CAV2: variants seen among roughly 807,000 people sequenced by gnomAD.
CAV2 encodes caveolin-2.
In CAV2, 7 loss-of-function variants were observed where a neutral mutation model predicts 15.5. That is an observed-to-expected ratio of 0.45 (90% confidence interval 0.26 to 0.85). The LOEUF (loss-of-function observed/expected upper bound fraction) is 0.85. Among genes scored for constraint, CAV2 ranks in the 40% least tolerant of loss-of-function variants. CAV2 has a pLI of 0.18. For synonymous variants in CAV2, 76 were observed against 83.1 expected, an observed-to-expected ratio of 0.91 and a Z score of 0.46; for missense variants, 229 against 208.8, an observed-to-expected ratio of 1.10 and a Z score of -0.60.
At chr7:116,502,933 C>A (rs948631546) in intron 2 of CAV2, among the ~76,000 whole-genome samples, 1 of 152,112 alleles carries the variant, frequency 6.6e-6, no homozygotes, top group Non-Finnish European at 1.5e-5. Context: ...GGCTGGAGCA[C>A]CCATATCCCT....
chr7:116,505,849 G>T (rs1275337979), intron 2 of CAV2, 122 bp from the exon 3 acceptor site: 2 of 631,628 alleles, frequency 3.2e-6, no homozygotes, highest in East Asian at 2.9e-5. Flanking sequence ...TCATTTATTT[G>T]TTTCAAACTC....
In CAV2 at chr7:116,508,271, G is replaced by A. The variant is rs1323688214; in HGVS notation, c.*2150G>A. 1 of 152,148 alleles carries A rather than the reference G, an allele frequency of 6.6e-6. No individual in the cohort carries two copies. The highest frequency in any genetic ancestry group is 2.4e-5 in the African/African-American group (1 of 41,424). 9.4% of individuals were successfully genotyped at this position (152,148 alleles called of 1,614,324 possible). A position where few individuals can be genotyped will look rare whatever the true frequency, so the allele number is the denominator to read the frequency against. On this transcript the variant is annotated 3_prime_UTR_variant, in exon 3 of 3. Transcript: ENST00000222693. The stretch of plus-strand genomic sequence containing the variant: ...TATCCTTTCAAACAGCTATTGGCAA[G>A]TTTTAAACCCAAAATATATACACAT...
chr7:116,501,743 CTT>C (rs556117012), intron 2 of CAV2, among the ~76,000 whole-genome samples: 1 of 152,102 alleles, frequency 6.6e-6, no homozygotes, highest in Non-Finnish European at 1.5e-5. Context: ...TCGAAAAAGA[CTT>C]TGAAAGGATA....
chr7:116,500,131 G>A, intron 1 of CAV2, 129 bp from the exon 2 acceptor site: 18 of 1,487,624 alleles, frequency 1.2e-5, no homozygotes, highest in Non-Finnish European at 1.6e-5. Context: ...TGCGCCCACC[G>A]TGACCCTAAG....
chr7:116,508,266 G>A lies in CAV2; in HGVS notation c.*2145G>A, dbSNP rs1442415484. The A allele has an allele frequency of 6.6e-6, 1 of 152,054 alleles. No homozygotes were observed. Among genetic ancestry groups the A allele is most frequent in the Non-Finnish European group, 1.5e-5 (1 of 68,010 alleles). 9.4% of individuals were successfully genotyped at this position (152,054 alleles called of 1,614,324 possible). A position where few individuals can be genotyped will look rare whatever the true frequency, so the allele number is the denominator to read the frequency against. On this transcript the variant is annotated 3_prime_UTR_variant, in exon 3 of 3. Coordinates refer to ENST00000222693, the MANE Select transcript of CAV2 (RefSeq NM_001233.5). ...TGAGCTATCCTTTCAAACAGCTATT[G>A]GCAAGTTTTAAACCCAAAATATATA...
chr7:116,508,095 T>G lies in CAV2; in HGVS notation c.*1974T>G, dbSNP rs1275350868. ...AAAGCATCACCACTCATTTTGACCA[T>G]ATAGATTTTATTATGTTAGTTTAAA... On this transcript the variant is annotated 3_prime_UTR_variant, in exon 3 of 3. Coordinates refer to ENST00000222693, the MANE Select transcript of CAV2 (RefSeq NM_001233.5). The G allele has an allele frequency of 6.6e-6, 1 of 152,228 alleles. No individual in the cohort carries two copies. The highest frequency in any genetic ancestry group is 1.5e-5 in the Non-Finnish European group (1 of 68,034). 9.4% of individuals were successfully genotyped at this position (152,228 alleles called of 1,614,324 possible).
rs573146798 is a variant in CAV2 at position 116,507,189 on chromosome 7, G to A, written c.*1068G>A. The A allele has an allele frequency of 2.0e-5, 3 of 152,716 alleles. No individual in the cohort carries two copies. The highest frequency in any genetic ancestry group is 4.8e-5 in the African/African-American group (2 of 41,568). 9.5% of individuals were successfully genotyped at this position (152,716 alleles called of 1,614,324 possible). A position where few individuals can be genotyped will look rare whatever the true frequency, so the allele number is the denominator to read the frequency against. On this transcript the variant is annotated 3_prime_UTR_variant, in exon 3 of 3. Coordinates refer to ENST00000222693, the MANE Select transcript of CAV2 (RefSeq NM_001233.5). The stretch of plus-strand genomic sequence containing the variant: ...ACTTTAGTACAATTTCAACTACAGT[G>A]ATTCATGTAGAGAGACAGGGGAGTT...
chr7:116,502,018 A>G (rs973090581), intron 2 of CAV2, among the ~76,000 whole-genome samples: 1 of 152,176 alleles, frequency 6.6e-6, no homozygotes, highest in Non-Finnish European at 1.5e-5. Context: ...TCTAACCTCT[A>G]TGTCAGTTTT....
chr7:116,503,309 G>A (rs544240120), intron 2 of CAV2, among the ~76,000 whole-genome samples: 12 of 152,006 alleles, frequency 7.9e-5, no homozygotes, highest in East Asian at 5.8e-4. Flanking sequence ...GTTTGATGTC[G>A]GAGGATCATT....
intron 2 of CAV2, among the ~76,000 whole-genome samples, chr7:116,505,154 C>T (rs948647217): frequency 1.3e-5 from 2 of 152,038 alleles, no homozygotes; most frequent in African/African-American, 4.8e-5. Context: ...AGGGAATATC[C>T]GATCTAGCCT....
rs761968352 is a variant in CAV2, at chr7:116,499,802, G to C, written c.21G>C (p.Lys7Asn). The C allele has an allele frequency of 6.3e-7, 1 of 1,584,714 alleles. No homozygotes were observed. The highest frequency in any genetic ancestry group is 8.6e-7 in the Non-Finnish European group (1 of 1,167,694). ...CTGCGATGGGGCTGGAGACGGAGAA[G>C]GCGGACGTACAGCTCTTCATGGACG... The part of the protein sequence containing the change: MGLETE[K>N]ADVQLFMDDD... The change falls in exon 1 of 3, where the codon AAG (lysine) becomes AAC (asparagine). Residue 7 changes from lysine to asparagine, a missense_variant. Coordinates refer to ENST00000222693, the MANE Select transcript of CAV2 (RefSeq NM_001233.5).
At position 116,506,272 on chromosome 7, in the gene CAV2, G is replaced by A. The variant is rs1223459923; in HGVS notation, c.*151G>A. The A allele has an allele frequency of 2.9e-6, 2 of 682,060 alleles. No homozygotes were observed. Among genetic ancestry groups the A allele is most frequent in the African/African-American group, 1.8e-5 (1 of 54,792 alleles). 42.3% of individuals were successfully genotyped at this position (682,060 alleles called of 1,614,324 possible). On this transcript the variant is annotated 3_prime_UTR_variant, in exon 3 of 3. Coordinates refer to ENST00000222693, the MANE Select transcript of CAV2 (RefSeq NM_001233.5). ...CACATTTAGAAATGTTTATTGACAG[G>A]TCTTTTCAAATAATGCTTTTCTAAT...
intron 2 of CAV2, among the ~76,000 whole-genome samples, chr7:116,503,972 GGAAA>G (rs1243209287): frequency 1.4e-4 from 17 of 120,206 alleles, no homozygotes; most frequent in South Asian, 7.7e-4. Flanking sequence ...AGAGAAAGAA[GGAAA>G]GAAAGAAAGA....
Position 116,500,314 on chromosome 7 carries a change from G to A in CAV2, c.205G>A (p.Val69Met). ...GGTGACTACGCACTCCTTTGACAAA[G>A]TGTGGATCTGCAGCCATGCCCTCTT... ...EPVTTHSFDK[V>M]WICSHALFEI... Residue 69 changes from valine (V) to methionine (M), a missense_variant, in exon 2 of 3, where the codon GTG becomes ATG. Coordinates refer to ENST00000222693, the MANE Select transcript of CAV2 (RefSeq NM_001233.5). The A allele has an allele frequency of 1.2e-6, 2 of 1,614,246 alleles. No individual in the cohort carries two copies. The highest frequency in any genetic ancestry group is 1.1e-5 in the South Asian group (1 of 91,090).
intron 1 of CAV2, 71 bp downstream of exon 1, chr7:116,500,002 C>G: frequency 1.3e-6 from 2 of 1,554,920 alleles, no homozygotes; most frequent in East Asian, 2.3e-5. Flanking sequence ...CAGCCCCGCC[C>G]TAACCCGTCC....
Position 116,500,187 on chromosome 7 carries a change from G to T in CAV2, c.151-73G>T, listed in dbSNP as rs886367779. The T allele has an allele frequency of 3.2e-6, 5 of 1,561,830 alleles. No homozygotes were observed. The African/African-American group carries it at 4.1e-5, about 13-fold the overall frequency. ...CACGTCCTTCCCTCCTGCTTCCCCC[G>T]CCCAAAGCGCTCCCGGTTCCCGGGG... On this transcript the variant is annotated intron_variant, in intron 1 of 2. Transcript: ENST00000222693.
At position 116,499,807 on chromosome 7, in the gene CAV2, A is replaced by T. The variant is rs13234554; in HGVS notation, c.26A>T (p.Asp9Val). The stretch of plus-strand genomic sequence containing the variant: ...ATGGGGCTGGAGACGGAGAAGGCGG[A>T]CGTACAGCTCTTCATGGACGACGAC... MGLETEKA[D>V]VQLFMDDDSY... The change falls in exon 1 of 3, where the codon GAC becomes GTC. Residue 9 changes from aspartate to valine, a missense_variant. By Grantham distance (152) the Asp-to-Val change is radical. Coordinates refer to ENST00000222693, the MANE Select transcript of CAV2 (RefSeq NM_001233.5). 2 of 1,589,952 alleles carry T rather than the reference A, an allele frequency of 1.3e-6. No homozygotes were observed.
chr7:116,500,049 A>G (rs191930578), intron 1 of CAV2, 118 bp downstream of exon 1: 169 of 1,482,170 alleles, frequency 1.1e-4, no homozygotes, highest in Admixed American at 1.6e-4. Flanking sequence ...AGGGTCTGAG[A>G]CCCGCACCCT....
chr7:116,505,880 G>T, intron 2 of CAV2, 91 bp from the exon 3 acceptor site: 1 of 740,442 alleles, frequency 1.4e-6, no homozygotes. Flanking sequence ...TTAAGTAAAT[G>T]GGTCAGTATT....
Sources: allele counts gnomAD v4.1 joint callset (sites outside exome capture counted in the v4.1 genomes callset), GRCh38; gene constraint gnomAD v4.1.1; transcripts MANE v1.5; gene names NCBI Gene and HGNC (gene_info 2026-07-23, HGNC 2026-07-21).